RERE: variants seen among roughly 807,000 people sequenced by gnomAD.
RERE encodes arginine-glutamic acid dipeptide repeats.
Under a neutral mutation model 146.1 loss-of-function variants are expected in RERE, and 40 were observed. The ratio of observed to expected loss-of-function variants is 0.27; its 90% CI spans 0.21 to 0.36. The LOEUF is 0.36. RERE is among the 10% of genes least tolerant of loss of function. The pLI is 1.00. For synonymous variants in RERE, 1,003 were observed against 866.0 expected (o/e 1.16, Z -2.78); for missense variants, 1,933 against 2,138.7 (o/e 0.90, Z 1.90).
At chr1:8,711,157 CAAAAAAAAAAAAAAAAAAAAA>C (rs57814312) in intron 1 of RERE, among the ~76,000 whole-genome samples, 2 of 68,248 alleles carry the variant, frequency 2.9e-5, no homozygotes, top group Non-Finnish European at 5.0e-5. Flanking sequence ...ACTCTGTCTC[CAAAAAAAAAAAAAAAAAAAAA>C]AAAAAAAAAG....
At chr1:8,632,906 A>AT (rs1647051110) in intron 2 of RERE, among the ~76,000 whole-genome samples, 1 of 152,210 alleles carries the variant, frequency 6.6e-6, no homozygotes, top group South Asian at 2.1e-4. Flanking sequence ...ACTAATACGG[A>AT]TTTTTTTAAG....
In RERE at chr1:8,360,240, G is replaced by C; in HGVS notation, c.3267C>G (p.Pro1089=). 2 of 1,582,858 alleles carry C rather than the reference G, an allele frequency of 1.3e-6. No individual in the cohort carries two copies. The highest frequency in any genetic ancestry group is 1.7e-6 in the Non-Finnish European group (2 of 1,165,622). Residue 1089 remains proline, a synonymous_variant, in exon 18 of 23, where the codon CCC becomes CCG. Transcript: ENST00000400908. ...SIAGGSSCPL[P]TVQIKEEALD... is the part of the protein sequence containing the mutation. ...GAGCCTCCTCCTTGATCTGGACGGTGGGGAGTGGGCAGGACGACCCCCCCG... is the reference window on the plus strand; with the variant it reads ...GAGCCTCCTCCTTGATCTGGACGGTCGGGAGTGGGCAGGACGACCCCCCCG...
At chr1:8,542,590 C>T (rs762925220) in intron 6 of RERE, among the ~76,000 whole-genome samples, 17 of 152,254 alleles carry the variant, frequency 1.1e-4, no homozygotes, top group South Asian at 2.1e-4. Context: ...TGGGAGGCTA[C>T]GACAGGAGGA....
intron 1 of RERE, among the ~76,000 whole-genome samples, chr1:8,705,636 C>T (rs1639542492): frequency 6.6e-6 from 1 of 152,086 alleles, no homozygotes; most frequent in African/African-American, 2.4e-5. Flanking sequence ...TAAACAGTTC[C>T]ATAGAGTTCT....
intron 2 of RERE, among the ~76,000 whole-genome samples, chr1:8,633,435 G>A (rs536839925): frequency 1.6e-4 from 24 of 151,744 alleles, no homozygotes; most frequent in East Asian, 7.8e-4. Context: ...AAACACGCAC[G>A]TGCGCACGCA....
chr1:8,466,146 C>T (rs1251497668), intron 10 of RERE, 123 bp from the exon 11 acceptor site: 1 of 749,366 alleles, frequency 1.3e-6, no homozygotes, highest in Non-Finnish European at 2.1e-6. Context: ...CACTGAGACT[C>T]CATCATTTCA....
intron 6 of RERE, among the ~76,000 whole-genome samples, chr1:8,548,705 C>G (rs1645896917): frequency 6.6e-6 from 1 of 152,168 alleles, no homozygotes; most frequent in Non-Finnish European, 1.5e-5. Flanking sequence ...AATCTTCAGG[C>G]CAGGCCCAGT....
At chr1:8,516,911 G>A (rs1486577714) in intron 7 of RERE, among the ~76,000 whole-genome samples, 2 of 152,154 alleles carry the variant, frequency 1.3e-5, no homozygotes, top group African/African-American at 4.8e-5. Flanking sequence ...CAGAAATGGA[G>A]ACACATTCGT....
chr1:8,551,906 C>T (rs1313905877), intron 6 of RERE, among the ~76,000 whole-genome samples: 1 of 152,130 alleles, frequency 6.6e-6, no homozygotes, highest in Admixed American at 6.6e-5. Flanking sequence ...AAATTCTTAC[C>T]CGGGAATAAA....
chr1:8,409,791 C>A (rs1643561166), intron 12 of RERE, among the ~76,000 whole-genome samples: 1 of 152,062 alleles, frequency 6.6e-6, no homozygotes, highest in Admixed American at 6.5e-5. Flanking sequence ...TGGACAAGTT[C>A]CTGGGGAGGG....
intron 12 of RERE, among the ~76,000 whole-genome samples, chr1:8,409,777 A>G (rs1643560678): frequency 6.6e-6 from 1 of 152,174 alleles, no homozygotes. Flanking sequence ...TAAGATTATC[A>G]GCATGGACAA....
chr1:8,466,394 T>C (rs576829262), intron 10 of RERE, among the ~76,000 whole-genome samples: 1 of 152,254 alleles, frequency 6.6e-6, no homozygotes, highest in East Asian at 1.9e-4. Flanking sequence ...TCATTTAATC[T>C]ACGGTTTAGG....
intron 3 of RERE, among the ~76,000 whole-genome samples, chr1:8,623,929 C>T (rs549151626): frequency 6.6e-6 from 1 of 152,198 alleles, no homozygotes; most frequent in African/African-American, 2.4e-5. Flanking sequence ...CCACTGGAAA[C>T]TATTCTCTGA....
intron 1 of RERE, among the ~76,000 whole-genome samples, chr1:8,693,535 A>G (rs897437608): frequency 1.3e-5 from 2 of 152,212 alleles, no homozygotes; most frequent in Non-Finnish European, 2.9e-5. Context: ...GACATCTGGA[A>G]AGCAAACCTA....
In RERE at chr1:8,360,795, C is replaced by T; in HGVS notation, c.2712G>A (p.Gln904=). The change falls in exon 18 of 23, where the codon CAG becomes CAA. Residue 904 remains glutamine (Q), a synonymous_variant. Transcript: ENST00000400908. The part of the protein sequence containing the change: ...PHTSLQLPAS[Q]SALQSQQPPR... The stretch of plus-strand genomic sequence containing the variant: ...GAGGCTGTTGGGACTGCAGCGCTGA[C>T]TGAGAGGCTGGCAGCTGCAGGGAGG... 1 of 1,583,752 alleles carries T rather than the reference C, an allele frequency of 6.3e-7. No individual in the cohort carries two copies. The highest frequency in any genetic ancestry group is 1.8e-5 in the Admixed American group (1 of 56,918).
chr1:8,647,040 C>T (rs996952299), intron 2 of RERE, among the ~76,000 whole-genome samples: 5 of 152,174 alleles, frequency 3.3e-5, no homozygotes, highest in Admixed American at 1.3e-4. Flanking sequence ...GAGCAATGAT[C>T]ATGCCATAGC....
At chr1:8,797,309 C>T (rs1343876114) in intron 1 of RERE, among the ~76,000 whole-genome samples, 2 of 151,680 alleles carry the variant, frequency 1.3e-5, no homozygotes, top group East Asian at 1.9e-4. Context: ...ACCCAGGAGG[C>T]GGAGGCTGCA....
At chr1:8,711,157 C>CAAAAAAAAAAAAAAAA (rs57814312) in intron 1 of RERE, among the ~76,000 whole-genome samples, 2 of 68,248 alleles carry the variant, frequency 2.9e-5, no homozygotes, top group African/African-American at 6.2e-5. Context: ...ACTCTGTCTC[C>CAAAAAAAAAAAAAAAA]AAAAAAAAAA....
At chr1:8,751,951 C>CAAA in intron 1 of RERE, among the ~76,000 whole-genome samples, 1 of 131,160 alleles carries the variant, frequency 7.6e-6, no homozygotes, top group South Asian at 2.4e-4. Context: ...TTTAAGATTG[C>CAAA]AAAAAAAAAA....
Sources: gnomAD v4.1 joint callset for allele counts (sites outside exome capture counted in the v4.1 genomes callset) on GRCh38, gnomAD v4.1.1 for gene constraint, MANE v1.5 for transcripts, NCBI Gene and HGNC (gene_info 2026-07-23, HGNC 2026-07-21) for gene names.